The following FAT3 variants were observed in gnomAD, a reference collection of about 807,000 sequenced individuals.
FAT3 encodes FAT atypical cadherin 3.
A neutral mutation model predicts 310.2 loss-of-function variants in FAT3; 95 were observed. The ratio of observed to expected loss-of-function variants is 0.31; its 90% confidence interval spans 0.26 to 0.36. The LOEUF (loss-of-function observed/expected upper bound fraction) is 0.36. FAT3 is among the 10% of genes least tolerant of loss of function. The pLI is 1.00. For missense variants in FAT3, 5,408 were observed against 5,715.6 expected (o/e 0.95, Z 1.74); for synonymous variants, 2,314 against 2,192.9 (o/e 1.06, Z -1.54).
chr11:92,774,310 A>G, intron 7 of FAT3, 130 bp downstream of exon 7: 1 of 1,035,694 alleles, frequency 9.7e-7, no homozygotes, highest in Non-Finnish European at 1.4e-6. Context: ...TAAAAAAATC[A>G]TTTTCAAGAA....
At chr11:92,246,679 A>G (rs191866620) in intron 1 of FAT3, among the ~76,000 whole-genome samples, 119 of 152,232 alleles carry the variant, frequency 7.8e-4, no homozygotes, top group Non-Finnish European at 3.1e-4. Context: ...GGAGTAGACA[A>G]TGTGGCAGCA....
At chr11:92,816,402 C>T (rs1276073706) in intron 13 of FAT3, among the ~76,000 whole-genome samples, 1 of 152,186 alleles carries the variant, frequency 6.6e-6, no homozygotes, top group African/African-American at 2.4e-5. Context: ...ATGAAGGCAG[C>T]ATGCCAGCTG....
intron 2 of FAT3, among the ~76,000 whole-genome samples, chr11:92,366,236 C>G (rs1247715654): frequency 6.6e-6 from 1 of 152,204 alleles, no homozygotes; most frequent in Non-Finnish European, 1.5e-5. Context: ...CCTTTCGACT[C>G]TCTTGGACAA....
intron 1 of FAT3, among the ~76,000 whole-genome samples, chr11:92,315,471 GTGTGTGTGTATATA>G (rs1430994880): frequency 2.4e-5 from 2 of 82,320 alleles, no homozygotes. Flanking sequence ...GTGTGTGTGT[GTGTGTGTGTATATA>G]TATATATATA....
chr11:92,458,023 C>G (rs544852133), intron 2 of FAT3, among the ~76,000 whole-genome samples: 1 of 152,308 alleles, frequency 6.6e-6, no homozygotes, highest in South Asian at 2.1e-4. Context: ...TGGCTGGTAG[C>G]TGAGCAGAAA....
At chr11:92,266,090 A>C (rs1945938009) in intron 1 of FAT3, among the ~76,000 whole-genome samples, 1 of 152,076 alleles carries the variant, frequency 6.6e-6, no homozygotes, top group African/African-American at 2.4e-5. Context: ...ATAGGATACA[A>C]TTTGTAATAT....
At position 92,470,063 on chromosome 11, in the gene FAT3, A is replaced by T. The variant is rs369574087; in HGVS notation, c.3293-54571A>T. ...ATAGTATTTATTTTCATTATCTCTA[A>T]CGGTCCAGTGGTCATGCCACACTGA... is the stretch of plus-strand genomic sequence containing the variant. On this transcript the variant is annotated intron_variant, in intron 2 of 27. Transcript: ENST00000525166. Among the ~76,000 whole-genome samples the T allele has an allele frequency of 2.0e-4, 30 of 152,314 alleles. No homozygotes were observed. In the South Asian group the frequency reaches 6.2e-3, roughly 32 times the overall value.
intron 3 of FAT3, among the ~76,000 whole-genome samples, chr11:92,604,187 C>T (rs1312620716): frequency 6.6e-6 from 1 of 152,114 alleles, no homozygotes; most frequent in Non-Finnish European, 1.5e-5. Context: ...TGAAAGTTTA[C>T]CCATAGTAAT....
Position 92,760,038 on chromosome 11 carries a change from A to C in FAT3, c.3670-1818A>C, listed in dbSNP as rs147138293. Among the ~76,000 whole-genome samples the C allele has an allele frequency of 2.1e-3, 321 of 152,296 alleles. 1 individual carries two copies. Among genetic ancestry groups the C allele is most frequent in the Middle Eastern group, 3.4e-3 (1 of 294 alleles). On this transcript the variant is annotated intron_variant, in intron 4 of 27. Coordinates refer to ENST00000525166, the MANE Select transcript of FAT3 (RefSeq NM_001367949.2). ...AACACAGGTCACCTGGGAGTGTAAC[A>C]TTTGCGTTCACCAGCAGCAGCAGAA...
chr11:92,595,879 C>G (rs539784021), intron 3 of FAT3, among the ~76,000 whole-genome samples: 1 of 152,152 alleles, frequency 6.6e-6, no homozygotes, highest in Non-Finnish European at 1.5e-5. Flanking sequence ...AACCTTCTGT[C>G]GTGCTGTCAT....
At chr11:92,424,708 C>T (rs1436046998) in intron 2 of FAT3, among the ~76,000 whole-genome samples, 1 of 152,078 alleles carries the variant, frequency 6.6e-6, no homozygotes, top group Non-Finnish European at 1.5e-5. Context: ...AAACATTTAT[C>T]ACTTCTTTTT....
At chr11:92,573,475 A>G (rs1370578532) in intron 3 of FAT3, among the ~76,000 whole-genome samples, 2 of 152,170 alleles carry the variant, frequency 1.3e-5, no homozygotes, top group Admixed American at 6.6e-5. Flanking sequence ...AGATATGTCC[A>G]AGCTTCAACT....
chr11:92,254,272 A>G (rs1468275982), intron 1 of FAT3, among the ~76,000 whole-genome samples: 5 of 152,170 alleles, frequency 3.3e-5, no homozygotes, highest in African/African-American at 9.6e-5. Flanking sequence ...AATATGGACA[A>G]TGAGACAAGA....
chr11:92,615,277 G>A (rs1025802051), intron 3 of FAT3, among the ~76,000 whole-genome samples: 3 of 151,706 alleles, frequency 2.0e-5, no homozygotes, highest in Admixed American at 6.6e-5. Context: ...ACAGAGTTTC[G>A]GTCTTGTTGC....
intron 3 of FAT3, among the ~76,000 whole-genome samples, chr11:92,673,004 T>A (rs1943178866): frequency 6.6e-6 from 1 of 152,194 alleles, no homozygotes; most frequent in Non-Finnish European, 1.5e-5. Context: ...ATGTATTGAT[T>A]CTGAGATCAA....
chr11:92,407,239 G>A (rs1277621779), intron 2 of FAT3, among the ~76,000 whole-genome samples: 2 of 152,142 alleles, frequency 1.3e-5, no homozygotes, highest in African/African-American at 4.8e-5. Flanking sequence ...ACAGTTACGG[G>A]ATATTTTCGA....
At chr11:92,663,123 G>A (rs1942842566) in intron 3 of FAT3, among the ~76,000 whole-genome samples, 1 of 152,182 alleles carries the variant, frequency 6.6e-6, no homozygotes, top group African/African-American at 2.4e-5. Context: ...GAGTTTGGGG[G>A]AACACTTTAA....
At chr11:92,778,943 A>C (rs563420937) in intron 7 of FAT3, among the ~76,000 whole-genome samples, 1 of 152,282 alleles carries the variant, frequency 6.6e-6, no homozygotes, top group Non-Finnish European at 1.5e-5. Flanking sequence ...AAATAGGAAG[A>C]TTCTGTGGGA....
intron 1 of FAT3, among the ~76,000 whole-genome samples, chr11:92,298,932 T>G (rs1466660641): frequency 6.6e-6 from 1 of 152,086 alleles, no homozygotes; most frequent in Non-Finnish European, 1.5e-5. Context: ...CTGTTGAAGT[T>G]CAGAACACTT....
Sources: gnomAD v4.1 joint callset for allele counts (sites outside exome capture counted in the v4.1 genomes callset) on GRCh38, gnomAD v4.1.1 for gene constraint, MANE v1.5 for transcripts, NCBI Gene and HGNC (gene_info 2026-07-23, HGNC 2026-07-21) for gene names.